The following NELL1 variants were observed in gnomAD, a reference collection of about 807,000 sequenced individuals.
NELL1 encodes the protein protein kinase C-binding protein NELL1.
In NELL1, 76 loss-of-function variants were observed where a neutral mutation model predicts 107.4. The ratio of observed to expected loss-of-function variants is 0.71; its 90% CI spans 0.59 to 0.86. The LOEUF (loss-of-function observed/expected upper bound fraction) is 0.86, where lower values mean the gene tolerates loss of function less well. NELL1 is among the 40% of genes least tolerant of loss of function. The pLI is 0.00. For synonymous variants in NELL1, 353 were observed against 341.2 expected (o/e 1.03, Z -0.38); for missense variants, 1,024 against 1,005.5 (o/e 1.02, Z -0.25).
At chr11:21,284,679 A>G (rs1241199910) in intron 14 of NELL1, 2 of 377,554 alleles carry the variant, frequency 5.3e-6, no homozygotes, top group African/African-American at 4.2e-5. Flanking sequence ...GCCTGGAGCC[A>G]ACTATGTCTA....
chr11:21,116,775 C>T (rs1157099898), intron 13 of NELL1, among the ~76,000 whole-genome samples: 2 of 151,932 alleles, frequency 1.3e-5, no homozygotes, highest in Non-Finnish European at 2.9e-5. Context: ...CACCTATTAC[C>T]ATCTTAGTGG....
chr11:20,753,605 G>A (rs187088592), intron 2 of NELL1, among the ~76,000 whole-genome samples: 2 of 152,316 alleles, frequency 1.3e-5, no homozygotes, highest in African/African-American at 2.4e-5. Context: ...CCAGGGCCAA[G>A]TCTAAAAGAT....
At chr11:21,286,314 T>C (rs1448966027) in intron 14 of NELL1, among the ~76,000 whole-genome samples, 1 of 152,174 alleles carries the variant, frequency 6.6e-6, no homozygotes, top group Non-Finnish European at 1.5e-5. Context: ...AAAGAGTCTA[T>C]GTATAAAATG....
At chr11:21,380,873 A>T (rs1177297727) in intron 15 of NELL1, among the ~76,000 whole-genome samples, 1 of 152,068 alleles carries the variant, frequency 6.6e-6, no homozygotes, top group Non-Finnish European at 1.5e-5. Context: ...TACTGTATTG[A>T]TGATCAGAGG....
At chr11:20,680,879 T>C (rs1854174481) in intron 2 of NELL1, among the ~76,000 whole-genome samples, 1 of 152,162 alleles carries the variant, frequency 6.6e-6, no homozygotes, top group Non-Finnish European at 1.5e-5. Flanking sequence ...GCAGGGTTTC[T>C]GTTGGTATAG....
chr11:21,337,785 TTTCTTTC>T (rs1850453216), intron 14 of NELL1, among the ~76,000 whole-genome samples: 1 of 140,198 alleles, frequency 7.1e-6, no homozygotes, highest in African/African-American at 2.8e-5. Context: ...TCTTTCTTTC[TTTCTTTC>T]TTTCCTTCTT....
rs192870892 is a variant in NELL1, at chr11:21,475,829, G to A, written c.1646-58545G>A. Among the ~76,000 whole-genome samples, 242 of 152,290 alleles carry A rather than the reference G, an allele frequency of 1.6e-3. 1 individual carries two copies. The highest frequency in any genetic ancestry group is 5.7e-3 in the African/African-American group (237 of 41,578). ...AATGTCTAAGCTGTGGCTTGTAGCT[G>A]TTTGGTATGATTTTGGGTAGAATCC... is the stretch of plus-strand genomic sequence containing the variant. On this transcript the variant is annotated intron_variant, in intron 15 of 19. Coordinates refer to ENST00000357134, the MANE Select transcript of NELL1 (RefSeq NM_006157.5).
intron 3 of NELL1, among the ~76,000 whole-genome samples, chr11:20,838,280 G>A (rs984211961): frequency 1.3e-5 from 2 of 149,998 alleles, no homozygotes; most frequent in African/African-American, 4.9e-5. Flanking sequence ...AACAAGGCAA[G>A]TCTGAACTGG....
chr11:21,431,352 A>G (rs1245846777), intron 15 of NELL1, among the ~76,000 whole-genome samples: 2 of 152,072 alleles, frequency 1.3e-5, no homozygotes, highest in South Asian at 2.1e-4. Flanking sequence ...ATTTATTGTC[A>G]TTATTGTATA....
chr11:21,096,912 T>A (rs1287972573), intron 12 of NELL1, among the ~76,000 whole-genome samples: 1 of 151,990 alleles, frequency 6.6e-6, no homozygotes, highest in Non-Finnish European at 1.5e-5. Context: ...GAGACGGGTT[T>A]TGTTGTGTTG....
At chr11:20,873,813 C>G (rs1324287000) in intron 4 of NELL1, among the ~76,000 whole-genome samples, 1 of 149,364 alleles carries the variant, frequency 6.7e-6, no homozygotes, top group African/African-American at 2.5e-5. Context: ...GTTGCCCAGG[C>G]AGTCCATCGG....
At chr11:21,364,410 C>CAAAAAAAAA (rs71034511) in intron 14 of NELL1, among the ~76,000 whole-genome samples, 2 of 75,616 alleles carry the variant, frequency 2.6e-5, no homozygotes, top group African/African-American at 1.5e-4. Context: ...GACTCTGTCT[C>CAAAAAAAAA]AAAAAAAAAA....
At chr11:20,931,408 A>G (rs1216218469) in intron 9 of NELL1, among the ~76,000 whole-genome samples, 2 of 152,252 alleles carry the variant, frequency 1.3e-5, no homozygotes, top group African/African-American at 4.8e-5. Context: ...ATGTCTTCAC[A>G]TCAGAAACAT....
intron 2 of NELL1, among the ~76,000 whole-genome samples, chr11:20,721,383 T>G (rs552994949): frequency 1.3e-5 from 2 of 152,204 alleles, no homozygotes; most frequent in African/African-American, 4.8e-5. Flanking sequence ...GTTTATTTCT[T>G]GCTTGTAATA....
intron 15 of NELL1, among the ~76,000 whole-genome samples, chr11:21,485,618 C>G (rs1854606608): frequency 6.6e-6 from 1 of 150,860 alleles, no homozygotes; most frequent in Admixed American, 6.6e-5. Context: ...ACAAGTTCTA[C>G]AAATGCCTGC....
chr11:21,145,066 A>G (rs1855947898), intron 13 of NELL1, among the ~76,000 whole-genome samples: 2 of 152,196 alleles, frequency 1.3e-5, no homozygotes, highest in African/African-American at 4.8e-5. Context: ...TGGCACATGT[A>G]AAGCGCTTGG....
At chr11:21,388,715 C>A (rs1168464664) in intron 15 of NELL1, among the ~76,000 whole-genome samples, 1 of 151,814 alleles carries the variant, frequency 6.6e-6, no homozygotes, top group Non-Finnish European at 1.5e-5. Context: ...ATGCCTCTTT[C>A]TTCAACAGGG....
intron 15 of NELL1, among the ~76,000 whole-genome samples, chr11:21,523,225 A>G (rs1189080977): frequency 1.3e-5 from 2 of 152,074 alleles, no homozygotes; most frequent in Non-Finnish European, 2.9e-5. Flanking sequence ...ATCTTTCCCC[A>G]TACTTCTAGT....
At chr11:21,563,820 G>A (rs1856906324) in intron 17 of NELL1, among the ~76,000 whole-genome samples, 1 of 151,964 alleles carries the variant, frequency 6.6e-6, no homozygotes, top group African/African-American at 2.4e-5. Flanking sequence ...CTTTCACAGA[G>A]GAGGTGATCT....
Sources: gnomAD v4.1 joint callset for allele counts (sites outside exome capture counted in the v4.1 genomes callset) on GRCh38, gnomAD v4.1.1 for gene constraint, MANE v1.5 for transcripts, NCBI Gene and HGNC (gene_info 2026-07-23, HGNC 2026-07-21) for gene names.